DCC: variants seen among roughly 807,000 people sequenced by gnomAD.
DCC encodes the protein DCC netrin 1 receptor.
In DCC, 58 loss-of-function variants were observed where a neutral mutation model predicts 172.5. That is an observed-to-expected ratio of 0.34 (90% CI 0.27 to 0.42). DCC has a LOEUF of 0.42. DCC is among the 10% of genes least tolerant of loss of function. The pLI, the probability that DCC is intolerant of heterozygous loss-of-function variation, is 1.00. For missense variants in DCC, 1,740 were observed against 1,791.0 expected (o/e 0.97, Z 0.51); for synonymous variants, 709 against 644.5 (o/e 1.10, Z -1.52).
intron 5 of DCC, among the ~76,000 whole-genome samples, chr18:53,024,105 T>A (rs1300692617): frequency 6.6e-6 from 1 of 152,120 alleles, no homozygotes; most frequent in Non-Finnish European, 1.5e-5. Context: ...TGGAGAAAAT[T>A]GACTTGAAGA....
chr18:53,526,106 T>C (rs2144615379), intron 27 of DCC, among the ~76,000 whole-genome samples: 1 of 147,392 alleles, frequency 6.8e-6, no homozygotes, highest in Admixed American at 6.8e-5. Flanking sequence ...TGTTCCAAAA[T>C]AGAATTAAAA....
chr18:52,857,840 G>A (rs35614945), intron 2 of DCC, among the ~76,000 whole-genome samples: 47 of 152,282 alleles, frequency 3.1e-4, no homozygotes, highest in Middle Eastern at 3.4e-3. Context: ...GCTCTAATGA[G>A]CCAAATCTGT....
intron 2 of DCC, among the ~76,000 whole-genome samples, chr18:52,855,760 ATTCT>A (rs2039042610): frequency 8.6e-6 from 1 of 116,200 alleles, no homozygotes; most frequent in Non-Finnish European, 1.9e-5. Flanking sequence ...TAGCGTATAA[ATTCT>A]TTTTTTTTTT....
chr18:53,066,311 T>C, intron 7 of DCC, 145 bp downstream of exon 7: 1 of 657,790 alleles, frequency 1.5e-6, no homozygotes, highest in South Asian at 1.6e-5. Flanking sequence ...ACTTGTGTAT[T>C]GATGACATTT....
At chr18:53,168,057 G>A (rs371589953) in intron 8 of DCC, among the ~76,000 whole-genome samples, 1 of 152,202 alleles carries the variant, frequency 6.6e-6, no homozygotes, top group East Asian at 1.9e-4. Context: ...TAAAAAGTCA[G>A]GAAACAACAG....
rs539504194 is a variant in DCC at position 53,192,352 on chromosome 18, T to A, written c.1574-12864T>A. On this transcript the variant is annotated intron_variant, in intron 9 of 28. Coordinates refer to ENST00000442544, the MANE Select transcript of DCC (RefSeq NM_005215.4). Reference sequence around the variant, plus strand: ...AGATATTTTATCTTGGGCTCATTTTTTCAAGTATGGAGAAAGAGTGAGAAA... The same window carrying A: ...AGATATTTTATCTTGGGCTCATTTTATCAAGTATGGAGAAAGAGTGAGAAA... Among the ~76,000 whole-genome samples, 5 of 152,292 alleles carry A rather than the reference T, an allele frequency of 3.3e-5. No homozygotes were observed. In the South Asian group the frequency reaches 1.0e-3, roughly 32 times the overall value.
At chr18:53,366,092 T>A (rs1267809926) in intron 15 of DCC, among the ~76,000 whole-genome samples, 2 of 152,120 alleles carry the variant, frequency 1.3e-5, no homozygotes, top group African/African-American at 4.8e-5. Flanking sequence ...GTTTCACTCT[T>A]ACTGCCCAGG....
chr18:53,446,148 G>T (rs1381167037), intron 22 of DCC, among the ~76,000 whole-genome samples: 3 of 146,568 alleles, frequency 2.0e-5, no homozygotes, highest in African/African-American at 7.4e-5. Context: ...TCCAGGGATG[G>T]TGGCATGCAC....
chr18:53,382,094 A>ATG (rs1431739032), intron 15 of DCC, among the ~76,000 whole-genome samples: 19 of 123,828 alleles, frequency 1.5e-4, no homozygotes, highest in South Asian at 4.9e-4. Context: ...ACACACACAC[A>ATG]CACACACACA....
chr18:52,833,927 G>A (rs1032979371), intron 2 of DCC, among the ~76,000 whole-genome samples: 1 of 152,142 alleles, frequency 6.6e-6, no homozygotes, highest in Non-Finnish European at 1.5e-5. Flanking sequence ...GCCTCCCAAA[G>A]TACTGAGATT....
intron 2 of DCC, among the ~76,000 whole-genome samples, chr18:52,842,067 C>T (rs2038816595): frequency 1.3e-5 from 2 of 151,756 alleles, no homozygotes; most frequent in Non-Finnish European, 1.5e-5. Context: ...AAAAGTATTG[C>T]ATTGTAAAGA....
chr18:52,612,047 C>G (rs1348737498), intron 1 of DCC, among the ~76,000 whole-genome samples: 1 of 152,144 alleles, frequency 6.6e-6, no homozygotes, highest in Non-Finnish European at 1.5e-5. Flanking sequence ...AGGCATTCAT[C>G]CACACTTCTG....
chr18:52,516,785 A>T (rs961490397), intron 1 of DCC, among the ~76,000 whole-genome samples: 3 of 152,156 alleles, frequency 2.0e-5, no homozygotes, highest in Non-Finnish European at 4.4e-5. Context: ...AGATCTGATT[A>T]TATTGTCTTT....
At chr18:52,920,118 A>G (rs1056189249) in intron 3 of DCC, among the ~76,000 whole-genome samples, 3 of 152,028 alleles carry the variant, frequency 2.0e-5, no homozygotes, top group African/African-American at 7.2e-5. Context: ...TGAAACTTCT[A>G]GAGGATAATG....
chr18:52,856,781 A>G (rs2039063332), intron 2 of DCC, among the ~76,000 whole-genome samples: 1 of 152,184 alleles, frequency 6.6e-6, no homozygotes, highest in African/African-American at 2.4e-5. Context: ...TAGCTTTGTT[A>G]CAATAGTCAG....
chr18:52,649,217 C>A (rs141153474), intron 1 of DCC, among the ~76,000 whole-genome samples: 20,444 of 151,782 alleles, frequency 0.13, 1,525 homozygotes, highest in Admixed American at 0.21. Flanking sequence ...ACTAAAAATA[C>A]AAAAAATTAG....
Position 52,558,806 on chromosome 18 carries a change from A to G in DCC, c.92-193248A>G, listed in dbSNP as rs189299678. 2.6e-5 allele frequency among the ~76,000 whole-genome samples: 4 copies of G among 152,306 alleles called. No homozygotes were observed. The East Asian group carries it at 7.7e-4, about 29-fold the overall frequency. ...ATCTGAGATGGAAAAGGCATTTTCT[A>G]GTGATGAATAGGCTCATTATGTTCT... On this transcript the variant is annotated intron_variant, in intron 1 of 28. Transcript: ENST00000442544.
intron 2 of DCC, among the ~76,000 whole-genome samples, chr18:52,833,863 T>C (rs941127360): frequency 1.3e-5 from 2 of 152,138 alleles, no homozygotes; most frequent in Admixed American, 6.5e-5. Flanking sequence ...AGTGGCTCGC[T>C]ACATAGCCCA....
chr18:53,179,884 A>G (rs1316984305), intron 9 of DCC, among the ~76,000 whole-genome samples: 3 of 152,236 alleles, frequency 2.0e-5, no homozygotes, highest in Admixed American at 2.0e-4. Context: ...AACGATTGGA[A>G]TTTAAAATCA....
Sources: gnomAD v4.1 joint callset for allele counts (sites outside exome capture counted in the v4.1 genomes callset) on GRCh38, gnomAD v4.1.1 for gene constraint, MANE v1.5 for transcripts, NCBI Gene and HGNC (gene_info 2026-07-23, HGNC 2026-07-21) for gene names.